The following FAM168A variants were observed in gnomAD, a reference collection of about 807,000 sequenced individuals.
FAM168A encodes the protein family with sequence similarity 168 member A.
A neutral mutation model predicts 28.5 loss-of-function variants in FAM168A; 3 were observed. The ratio of observed to expected loss-of-function variants is 0.11; its 90% CI spans 0.05 to 0.27. The LOEUF is 0.27. Ranked by LOEUF, FAM168A falls within the 10% of genes least tolerant of loss-of-function variation. The pLI, the probability that FAM168A is intolerant of heterozygous loss-of-function variation, is 1.00. For missense variants in FAM168A, 222 were observed against 311.5 expected (o/e 0.71, Z 2.16); for synonymous variants, 122 against 124.2 (o/e 0.98, Z 0.12).
chr11:73,545,038 A>ATATAATATATTATATATATATATATT (rs1565292048), intron 1 of FAM168A, among the ~76,000 whole-genome samples: 3 of 86,934 alleles, frequency 3.5e-5, no homozygotes, highest in Admixed American at 3.0e-4. Context: ...ATATATATAT[A>ATATAATATATTATATATATATATATT]TTTTTTGGAG....
chr11:73,554,402 GTTAAA>G (rs1365812530), intron 1 of FAM168A, among the ~76,000 whole-genome samples: 1 of 151,422 alleles, frequency 6.6e-6, no homozygotes, highest in Non-Finnish European at 1.5e-5. Flanking sequence ...ATGATATAAT[GTTAAA>G]TTAAAAAATA....
intron 1 of FAM168A, among the ~76,000 whole-genome samples, chr11:73,538,046 T>A (rs770230388): frequency 6.6e-6 from 1 of 152,198 alleles, no homozygotes; most frequent in Admixed American, 6.5e-5. Flanking sequence ...AAAGGTGATA[T>A]CTATAACTCC....
chr11:73,508,042 G>A (rs572180628), intron 1 of FAM168A, among the ~76,000 whole-genome samples: 3 of 152,120 alleles, frequency 2.0e-5, no homozygotes, highest in South Asian at 2.1e-4. Context: ...TGTAATCTTG[G>A]GCATAGTTAC....
At chr11:73,523,338 A>AT (rs1943408972) in intron 1 of FAM168A, among the ~76,000 whole-genome samples, 1 of 151,954 alleles carries the variant, frequency 6.6e-6, no homozygotes. Context: ...TATTTTATTT[A>AT]TTTTTTAAGA....
chr11:73,595,394 GA>G (rs1434826367), intron 1 of FAM168A, among the ~76,000 whole-genome samples: 15 of 152,136 alleles, frequency 9.9e-5, no homozygotes, highest in African/African-American at 3.6e-4. Flanking sequence ...GCTCAATCGT[GA>G]AAGCCAAGGA....
At chr11:73,567,138 T>C (rs1278939810) in intron 1 of FAM168A, among the ~76,000 whole-genome samples, 1 of 152,172 alleles carries the variant, frequency 6.6e-6, no homozygotes, top group African/African-American at 2.4e-5. Flanking sequence ...GCTGAGAGTC[T>C]GAGCTAAGGC....
At chr11:73,443,521 T>C (rs1442503993) in intron 2 of FAM168A, among the ~76,000 whole-genome samples, 2 of 152,076 alleles carry the variant, frequency 1.3e-5, no homozygotes, top group South Asian at 2.1e-4. Context: ...GGCTTCTGGA[T>C]TGGAAAGGTT....
At chr11:73,503,394 AT>A (rs893063859) in intron 1 of FAM168A, among the ~76,000 whole-genome samples, 1 of 152,222 alleles carries the variant, frequency 6.6e-6, no homozygotes, top group African/African-American at 2.4e-5. Flanking sequence ...ATTAACTCCC[AT>A]TCACAATCAC....
intron 1 of FAM168A, among the ~76,000 whole-genome samples, chr11:73,538,055 C>T (rs1024812546): frequency 6.6e-6 from 1 of 152,166 alleles, no homozygotes; most frequent in Non-Finnish European, 1.5e-5. Context: ...ATCTATAACT[C>T]CATTTTCAGA....
intron 2 of FAM168A, among the ~76,000 whole-genome samples, chr11:73,442,843 T>C (rs1270746152): frequency 6.8e-6 from 1 of 147,182 alleles, no homozygotes; most frequent in Non-Finnish European, 1.5e-5. Context: ...TCTTTCTTTT[T>C]TTTTTTTTTG....
intron 1 of FAM168A, among the ~76,000 whole-genome samples, chr11:73,539,365 G>C (rs1468813264): frequency 5.9e-5 from 9 of 152,146 alleles, no homozygotes; most frequent in Admixed American, 2.0e-4. Context: ...CGCCTCCCAG[G>C]TTCAAGCAAT....
chr11:73,546,686 C>A (rs1269781599), intron 1 of FAM168A, among the ~76,000 whole-genome samples: 2 of 148,372 alleles, frequency 1.3e-5, no homozygotes, highest in Non-Finnish European at 3.0e-5. Flanking sequence ...GAGCCTAGAT[C>A]GTGCCATTGC....
intron 5 of FAM168A, among the ~76,000 whole-genome samples, chr11:73,410,204 G>A (rs570917503): frequency 7.9e-5 from 12 of 152,116 alleles, no homozygotes; most frequent in Middle Eastern, 3.4e-3. Flanking sequence ...TCAGGAGTTC[G>A]AGACCAGCCC....
chr11:73,544,572 TATG>T (rs1255381420), intron 1 of FAM168A, among the ~76,000 whole-genome samples: 7 of 149,186 alleles, frequency 4.7e-5, no homozygotes, highest in Admixed American at 4.1e-4. Flanking sequence ...GGCATATACA[TATG>T]ATGAAATATT....
rs1866452364 is a variant in FAM168A at position 73,403,657 on chromosome 11, A to G, written c.*3106T>C. The G allele has an allele frequency of 1.3e-5, 2 of 152,036 alleles. No homozygotes were observed. Among genetic ancestry groups the G allele is most frequent in the African/African-American group, 4.8e-5 (2 of 41,382 alleles). The allele number at this position is 152,036 out of a possible 1,614,324, so 9.4% of individuals were successfully genotyped here. On this transcript the variant is annotated 3_prime_UTR_variant, in exon 8 of 8. Transcript: ENST00000356467. ...CCCACTAGATCTCTGTGACCTTACCAGTAACTGTGCCCATCCTACCAGAGG... is the reference window on the plus strand; with the variant it reads ...CCCACTAGATCTCTGTGACCTTACCGGTAACTGTGCCCATCCTACCAGAGG...
intron 1 of FAM168A, among the ~76,000 whole-genome samples, chr11:73,473,374 C>A (rs536210143): frequency 6.6e-6 from 1 of 152,220 alleles, no homozygotes; most frequent in African/African-American, 2.4e-5. Context: ...AGGCCTCAAA[C>A]CCTTGTTCAA....
rs191384667 is a variant in FAM168A at position 73,415,759 on chromosome 11, A to G, written c.277+4115T>C. On this transcript the variant is annotated intron_variant, in intron 4 of 7. Coordinates refer to ENST00000356467, the MANE Select transcript of FAM168A (RefSeq NM_015159.3). ...AGAAGCTGTTGGGCTTGTTGCAAAA[A>G]AGTCTCACAGATTTTGCCCAAATGA... Among the ~76,000 whole-genome samples, 70 of 152,316 alleles carry G rather than the reference A, an allele frequency of 4.6e-4. 2 individuals carry two copies. The East Asian group carries it at 0.013, about 28-fold the overall frequency.
chr11:73,508,903 A>G (rs1287746230), intron 1 of FAM168A, among the ~76,000 whole-genome samples: 1 of 152,220 alleles, frequency 6.6e-6, no homozygotes, highest in Non-Finnish European at 1.5e-5. Flanking sequence ...GTCACTGATC[A>G]TTATGTTTTA....
chr11:73,596,743 C>G (rs887043715), intron 1 of FAM168A, among the ~76,000 whole-genome samples: 4 of 152,078 alleles, frequency 2.6e-5, no homozygotes, highest in African/African-American at 4.8e-5. Context: ...CCCCCCTGCT[C>G]TCCAGCACAG....
Sources: allele counts gnomAD v4.1 joint callset (sites outside exome capture counted in the v4.1 genomes callset), GRCh38; gene constraint gnomAD v4.1.1; transcripts MANE v1.5; gene names NCBI Gene and HGNC (gene_info 2026-07-23, HGNC 2026-07-21).